The following PRDM2 variants were observed in gnomAD, a reference collection of about 807,000 sequenced individuals.
PRDM2 encodes PR/SET domain 2.
In PRDM2, 30 loss-of-function variants were observed where a neutral mutation model predicts 130.0. That is an observed-to-expected ratio of 0.23 (90% CI 0.17 to 0.31). The LOEUF is 0.31. PRDM2 is among the 10% of genes least tolerant of loss of function. The pLI, the probability that PRDM2 is intolerant of heterozygous loss-of-function variation, is 1.00. For synonymous variants in PRDM2, 871 were observed against 782.4 expected (o/e 1.11, Z -1.89); for missense variants, 2,011 against 2,108.4 (o/e 0.95, Z 0.90).
In PRDM2 at chr1:13,771,413, C is replaced by T. The variant is rs990592535; in HGVS notation, c.512-1665C>T. ...ACCCTGATAAACGTAGTGGCAAAAA[C>T]ATCGGATTTCCTATGGGCTGAAGAA... On this transcript the variant is annotated intron_variant, in intron 6 of 9. Transcript: ENST00000311066. The surrounding 1 kb of genome is among the most constrained non-coding windows in gnomAD (Gnocchi z 4.1). 6.6e-6 allele frequency among the ~76,000 whole-genome samples: 1 copy of T among 152,172 alleles called. No homozygotes were observed. Among genetic ancestry groups the T allele is most frequent in the African/African-American group, 2.4e-5 (1 of 41,450 alleles).
chr1:13,771,866 C>A lies in PRDM2; in HGVS notation c.512-1212C>A, dbSNP rs947484052. On this transcript the variant is annotated intron_variant, in intron 6 of 9. Coordinates refer to ENST00000311066, the MANE Select transcript of PRDM2 (RefSeq NM_001393986.1). The surrounding 1 kb of genome is among the most constrained non-coding windows in gnomAD (Gnocchi z 4.1). ...TGGTGTTTTTTAGGATTTGTTTTTG[C>A]TTTGTATTGTATTTGATGTTTCTAC... The A allele has an allele frequency of 6.6e-6, 1 of 152,070 alleles. No individual in the cohort carries two copies. The highest frequency in any genetic ancestry group is 1.5e-5 in the Non-Finnish European group (1 of 68,008). The allele number at this position is 152,070 out of a possible 1,614,324, so 9.4% of individuals were successfully genotyped here.
At chr1:13,769,210 G>C in intron 6 of PRDM2, 3 of 937,740 alleles carry the variant, frequency 3.2e-6, no homozygotes, top group Non-Finnish European at 3.8e-6. Flanking sequence ...CCTCCCAGCG[G>C]CTCCTGCTCC....
intron 6 of PRDM2, among the ~76,000 whole-genome samples, chr1:13,763,494 T>G (rs571452764): frequency 4.6e-5 from 7 of 152,196 alleles, no homozygotes; most frequent in Non-Finnish European, 8.8e-5. Context: ...GGATTGTGGT[T>G]TTTTTCCTGA....
At chr1:13,814,519 C>T (rs1645226528) in intron 8 of PRDM2, among the ~76,000 whole-genome samples, 1 of 152,190 alleles carries the variant, frequency 6.6e-6, no homozygotes. Flanking sequence ...GGCTCCCTTG[C>T]CAACATTGAC....
chr1:13,778,957 C>A lies in PRDM2; in HGVS notation c.1162C>A (p.His388Asn). The stretch of plus-strand genomic sequence containing the variant: ...GCATATCCATATATCCACCGTCAAT[C>A]ATGCTTTCAAATGCAAGTACTGTGG... ...HMHIHISTVN[H>N]AFKCKYCGKA... Residue 388 changes from histidine to asparagine, a missense_variant, in exon 8 of 10, where the codon CAT becomes AAT. Physicochemically the swap from His to Asn is moderately conservative, Grantham distance 68. Transcript: ENST00000311066. 1 of 1,614,220 alleles carries A rather than the reference C, an allele frequency of 6.2e-7. No homozygotes were observed. Among genetic ancestry groups the A allele is most frequent in the Non-Finnish European group, 8.5e-7 (1 of 1,180,036 alleles).
At position 13,779,661 on chromosome 1, in the gene PRDM2, A is replaced by T. The variant is rs1644561362; in HGVS notation, c.1866A>T (p.Glu622Asp). Residue 622 changes from glutamate to aspartate, a missense_variant, in exon 8 of 10, where the codon GAA becomes GAT. Coordinates refer to ENST00000311066, the MANE Select transcript of PRDM2 (RefSeq NM_001393986.1). The surrounding 1 kb of genome is among the most constrained non-coding windows in gnomAD (Gnocchi z 4.9). ...NIKTTQVPVT[E>D]DLPKEPLGST... ...AGACCACACAGGTCCCTGTAACAGA[A>T]GATCTTCCTAAAGAGCCTTTGGGCA... 6.2e-7 allele frequency: 1 copy of T among 1,614,024 alleles called. No individual in the cohort carries two copies. Among genetic ancestry groups the T allele is most frequent in the Non-Finnish European group, 8.5e-7 (1 of 1,180,032 alleles).
chr1:13,788,843 C>T (rs527742328), intron 8 of PRDM2, among the ~76,000 whole-genome samples: 2 of 152,324 alleles, frequency 1.3e-5, no homozygotes, highest in Non-Finnish European at 2.9e-5. Context: ...CTTCAGTAAA[C>T]GGGCCTCCAA....
At chr1:13,738,713 T>C (rs1165058427) in intron 4 of PRDM2, 1 of 152,226 alleles carries the variant, frequency 6.6e-6, no homozygotes, top group Non-Finnish European at 1.5e-5. Context: ...ATTCTAGAAT[T>C]TTCAGAACAT....
chr1:13,700,885 CGTGT>C (rs560287443), intron 1 of PRDM2, among the ~76,000 whole-genome samples: 3 of 152,010 alleles, frequency 2.0e-5, no homozygotes, highest in Admixed American at 6.6e-5. Flanking sequence ...CGCACGCGCG[CGTGT>C]GTGTGTGTTA....
In PRDM2 at chr1:13,779,686, A is replaced by G. The variant is rs1345254478; in HGVS notation, c.1891A>G (p.Ser631Gly). Reference sequence around the variant, plus strand: ...AGATCTTCCTAAAGAGCCTTTGGGCAGCACAAATAGTGAGGCCAAGAAGCG... The same window carrying G: ...AGATCTTCCTAAAGAGCCTTTGGGCGGCACAAATAGTGAGGCCAAGAAGCG... Reference protein sequence around the residue: ...TEDLPKEPLGSTNSEAKKRRT... With the variant: ...TEDLPKEPLGGTNSEAKKRRT... Residue 631 changes from serine (S) to glycine (G), a missense_variant, in exon 8 of 10, where the codon AGC becomes GGC. This residue lies in a region of PRDM2 where 1,288 missense variants were observed against 1,237.7 expected (regional missense o/e 1.04). Transcript: ENST00000311066. This position sits in a 1 kb window ranked among gnomAD's most constrained non-coding sequence, Gnocchi z 4.9. The G allele has an allele frequency of 1.2e-6, 2 of 1,614,098 alleles. No homozygotes were observed. Among genetic ancestry groups the G allele is most frequent in the Non-Finnish European group, 1.7e-6 (2 of 1,180,002 alleles).
At chr1:13,789,961 A>G (rs1271014510) in intron 8 of PRDM2, among the ~76,000 whole-genome samples, 1 of 152,194 alleles carries the variant, frequency 6.6e-6, no homozygotes, top group East Asian at 1.9e-4. Flanking sequence ...GGTTCTGGTG[A>G]AGCACTGCTG....
intron 4 of PRDM2, among the ~76,000 whole-genome samples, chr1:13,736,306 GT>G (rs1277080066): frequency 6.6e-6 from 1 of 151,750 alleles, no homozygotes; most frequent in Non-Finnish European, 1.5e-5. Context: ...TAGAGATGGG[GT>G]TTCACCATGT....
intron 8 of PRDM2, among the ~76,000 whole-genome samples, chr1:13,788,364 GTC>G (rs1437880892): frequency 1.3e-5 from 2 of 152,204 alleles, no homozygotes; most frequent in Non-Finnish European, 2.9e-5. Context: ...CATCTGTGGG[GTC>G]TCTGTGCTTC....
intron 8 of PRDM2, among the ~76,000 whole-genome samples, chr1:13,798,546 G>T (rs1169926671): frequency 6.6e-6 from 1 of 152,154 alleles, no homozygotes; most frequent in African/African-American, 2.4e-5. Flanking sequence ...TGGAATTATA[G>T]TCTCCCCTCC....
At chr1:13,766,023 A>C (rs1421307404) in intron 6 of PRDM2, among the ~76,000 whole-genome samples, 1 of 152,146 alleles carries the variant, frequency 6.6e-6, no homozygotes, top group Non-Finnish European at 1.5e-5. Context: ...GACTTTGAAA[A>C]ATTTGAAAGG....
intron 9 of PRDM2, among the ~76,000 whole-genome samples, chr1:13,820,184 T>A (rs1183415740): frequency 2.0e-5 from 3 of 152,168 alleles, no homozygotes; most frequent in Non-Finnish European, 4.4e-5. Flanking sequence ...TGTGTGTGCA[T>A]GTGGGTTTTG....
In PRDM2 at chr1:13,731,132, T is replaced by C. The variant is rs201209754; in HGVS notation, c.127+15T>C. On this transcript the variant is annotated intron_variant, in intron 3 of 9. Coordinates refer to ENST00000311066, the MANE Select transcript of PRDM2 (RefSeq NM_001393986.1). ...GACCCGGATTGGTGAGTGCTCCTCCTGTCACGGAGCAAGTCAGGCAGTAAA... is the reference window on the plus strand; with the variant it reads ...GACCCGGATTGGTGAGTGCTCCTCCCGTCACGGAGCAAGTCAGGCAGTAAA... The C allele has an allele frequency of 3.8e-6, 6 of 1,597,520 alleles. No homozygotes were observed. The East Asian group carries it at 1.1e-4, about 30-fold the overall frequency.
intron 5 of PRDM2, among the ~76,000 whole-genome samples, chr1:13,748,710 A>G (rs1450603482): frequency 1.3e-5 from 2 of 152,158 alleles, no homozygotes; most frequent in Non-Finnish European, 2.9e-5. Flanking sequence ...ATGGTTTAGG[A>G]GCATAATACA....
In PRDM2 at chr1:13,732,793, A is replaced by C. The variant is rs769455041; in HGVS notation, c.142A>C (p.Lys48Gln). The C allele has an allele frequency of 6.2e-7, 1 of 1,603,482 alleles. No individual in the cohort carries two copies. Among genetic ancestry groups the C allele is most frequent in the Non-Finnish European group, 8.5e-7 (1 of 1,174,442 alleles). Residue 48 changes from lysine (K) to glutamine (Q), a missense_variant, in exon 4 of 10, where the codon AAA (lysine) becomes CAA (glutamine). By Grantham distance (53) the Lys-to-Gln change is moderately conservative (BLOSUM62 1). Around this residue, in one of 5 missense-constraint regions of PRDM2, gnomAD observed 79 missense variants for 93.6 expected, o/e 0.84. Transcript: ENST00000311066. ...DKTRIGVWAT[K>Q]PILKGKKFGP... ...TTATTTTCTAGGTGTCTGGGCCACT[A>C]AACCAATTTTAAAAGGCAAAAAATT...
Sources: allele counts gnomAD v4.1 joint callset (sites outside exome capture counted in the v4.1 genomes callset), GRCh38; gene constraint gnomAD v4.1.1; regional missense constraint gnomAD v4.1.1; non-coding constraint Gnocchi (gnomAD v3.1); transcripts MANE v1.5; gene names NCBI Gene and HGNC (gene_info 2026-07-23, HGNC 2026-07-21).